Variants in CUX2 observed in about 807,000 individuals in gnomAD.
CUX2 encodes homeobox protein cut-like 2.
In CUX2, 40 loss-of-function variants were observed where a neutral mutation model predicts 144.8. The observed-to-expected ratio is 0.28, with a 90% confidence interval of 0.21 to 0.36. The LOEUF (loss-of-function observed/expected upper bound fraction) is 0.36, where lower values mean the gene tolerates loss of function less well. Among genes scored for constraint, CUX2 ranks in the 10% least tolerant of loss-of-function variants. The pLI is 1.00. For synonymous variants in CUX2, 827 were observed against 875.6 expected, an observed-to-expected ratio of 0.94 and a Z score of 0.98; for missense variants, 1,615 against 1,994.0, an observed-to-expected ratio of 0.81 and a Z score of 3.62.
chr12:111,151,795 A>G (rs1877066825), intron 1 of CUX2, among the ~76,000 whole-genome samples: 1 of 151,946 alleles, frequency 6.6e-6, no homozygotes, highest in South Asian at 2.1e-4. Flanking sequence ...TCCGGCCATC[A>G]CAGTCTGATG....
chr12:111,075,238 G>A (rs1243736142), intron 1 of CUX2, among the ~76,000 whole-genome samples: 2 of 152,334 alleles, frequency 1.3e-5, no homozygotes, highest in South Asian at 2.1e-4. Context: ...TAGGCGGGCC[G>A]ACCCTGTCTG....
intron 1 of CUX2, among the ~76,000 whole-genome samples, chr12:111,111,187 A>C (rs1873930034): frequency 6.6e-6 from 1 of 152,174 alleles, no homozygotes. Context: ...CTGTAAACCC[A>C]GCTGCTCAGG....
intron 1 of CUX2, among the ~76,000 whole-genome samples, chr12:111,158,540 A>G (rs1383395978): frequency 6.6e-6 from 1 of 151,174 alleles, no homozygotes; most frequent in Non-Finnish European, 1.5e-5. Context: ...GTGAGTGGGC[A>G]GTGCAAAGAT....
chr12:111,313,901 T>C (rs762632967), intron 16 of CUX2, among the ~76,000 whole-genome samples: 2 of 152,214 alleles, frequency 1.3e-5, no homozygotes, highest in African/African-American at 2.4e-5. Flanking sequence ...ACTGAGACCC[T>C]GGACTCCGGT....
chr12:111,207,702 G>A (rs930467484), intron 1 of CUX2, among the ~76,000 whole-genome samples: 3 of 152,140 alleles, frequency 2.0e-5, no homozygotes, highest in Non-Finnish European at 2.9e-5. Context: ...TATATATGGT[G>A]TAATAGACTC....
chr12:111,269,377 T>A (rs539915595), intron 4 of CUX2, among the ~76,000 whole-genome samples: 1 of 152,216 alleles, frequency 6.6e-6, no homozygotes, highest in Non-Finnish European at 1.5e-5. Flanking sequence ...CCCCCTTCCA[T>A]GCACATCTTG....
intron 3 of CUX2, among the ~76,000 whole-genome samples, chr12:111,245,744 G>C (rs1299341186): frequency 6.6e-6 from 1 of 152,108 alleles, no homozygotes; most frequent in Non-Finnish European, 1.5e-5. Context: ...AGGGACAGAG[G>C]AAAAGGAGCT....
intron 3 of CUX2, among the ~76,000 whole-genome samples, chr12:111,245,238 A>G (rs1315893970): frequency 1.3e-5 from 2 of 152,050 alleles, no homozygotes; most frequent in Non-Finnish European, 2.9e-5. Context: ...AAATGCTTAT[A>G]TTAAATTGGT....
chr12:111,254,847 C>G (rs895043026), intron 3 of CUX2, among the ~76,000 whole-genome samples: 3 of 150,292 alleles, frequency 2.0e-5, no homozygotes, highest in African/African-American at 7.6e-5. Flanking sequence ...TCCAGCCAAG[C>G]AGTCTTTTTT....
chr12:111,211,920 A>G (rs1881256306), intron 1 of CUX2, among the ~76,000 whole-genome samples: 1 of 152,034 alleles, frequency 6.6e-6, no homozygotes, highest in African/African-American at 2.4e-5. Context: ...ACACACAATA[A>G]TCCAAGATAG....
chr12:111,129,667 G>A (rs1875331584), intron 1 of CUX2, among the ~76,000 whole-genome samples: 1 of 152,178 alleles, frequency 6.6e-6, no homozygotes, highest in African/African-American at 2.4e-5. Flanking sequence ...GATCTTTCTA[G>A]TCCTTTATAG....
chr12:111,251,171 C>A (rs187953700), intron 3 of CUX2, among the ~76,000 whole-genome samples: 1 of 152,282 alleles, frequency 6.6e-6, no homozygotes, highest in East Asian at 1.9e-4. Context: ...GATCTTTGTG[C>A]TTCGGTGCAT....
intron 16 of CUX2, among the ~76,000 whole-genome samples, chr12:111,316,536 A>G (rs968723426): frequency 9.9e-5 from 12 of 121,484 alleles, no homozygotes; most frequent in Middle Eastern, 5.8e-3. Context: ...TGCAACCTCC[A>G]CTTCCCAGGT....
intron 15 of CUX2, among the ~76,000 whole-genome samples, chr12:111,311,594 A>ATTTTTTTTTTT (rs767367160): frequency 1.5e-5 from 2 of 133,678 alleles, no homozygotes; most frequent in East Asian, 2.4e-4. Flanking sequence ...CTATTTCTTT[A>ATTTTTTTTTTT]TTATTATTAT....
At chr12:111,308,746 A>G (rs1250728503) in intron 14 of CUX2, among the ~76,000 whole-genome samples, 1 of 152,304 alleles carries the variant, frequency 6.6e-6, no homozygotes, top group East Asian at 1.9e-4. Flanking sequence ...GGCCCTTCCA[A>G]GGCCCCCTAA....
intron 4 of CUX2, among the ~76,000 whole-genome samples, chr12:111,265,562 C>G (rs1286188892): frequency 1.3e-5 from 2 of 151,964 alleles, no homozygotes; most frequent in Non-Finnish European, 2.9e-5. Context: ...AGCCTGGTCT[C>G]AAACTCCTGG....
At chr12:111,072,970 A>G (rs183419161) in intron 1 of CUX2, among the ~76,000 whole-genome samples, 5 of 152,346 alleles carry the variant, frequency 3.3e-5, no homozygotes, top group Admixed American at 1.3e-4. Context: ...GATAAGCAAA[A>G]AGAAGAAAAT....
Position 111,304,372 on chromosome 12 carries a change from T to C in CUX2, c.858+58T>C. The C allele has an allele frequency of 1.4e-6, 2 of 1,432,766 alleles. No homozygotes were observed. The highest frequency in any genetic ancestry group is 1.9e-6 in the Non-Finnish European group (2 of 1,030,220). 88.8% of individuals were successfully genotyped at this position (1,432,766 alleles called of 1,614,324 possible). A position where few individuals can be genotyped will look rare whatever the true frequency, so the allele number is the denominator to read the frequency against. ...GGCAGAGGGAAAGATCGGGAATGGC[T>C]GAGTTTGCAGGTTTCAGCATGTGGG... On this transcript the variant is annotated intron_variant, in intron 10 of 21. Coordinates refer to ENST00000261726, the MANE Select transcript of CUX2 (RefSeq NM_015267.4). The surrounding 1 kb of genome is among the most constrained non-coding windows in gnomAD (Gnocchi z 4.7).
At chr12:111,165,996 A>G (rs1413467014) in intron 1 of CUX2, among the ~76,000 whole-genome samples, 2 of 152,094 alleles carry the variant, frequency 1.3e-5, no homozygotes, top group African/African-American at 4.8e-5. Flanking sequence ...TTGCGCTTTC[A>G]GTGTGTCCAC....
Sources: allele counts gnomAD v4.1 joint callset (sites outside exome capture counted in the v4.1 genomes callset), GRCh38; gene constraint gnomAD v4.1.1; non-coding constraint Gnocchi (gnomAD v3.1); transcripts MANE v1.5; gene names NCBI Gene and HGNC (gene_info 2026-07-23, HGNC 2026-07-21).